Variants in TNR observed in about 807,000 individuals in gnomAD.
TNR encodes the protein tenascin R.
In TNR, 45 loss-of-function variants were observed where a neutral mutation model predicts 150.4. The ratio of observed to expected loss-of-function variants is 0.30; its 90% CI spans 0.24 to 0.38. The LOEUF (loss-of-function observed/expected upper bound fraction) is 0.38, where lower values mean the gene tolerates loss of function less well. Ranked by LOEUF, TNR falls within the 10% of genes least tolerant of loss-of-function variation. The pLI, the probability that TNR is intolerant of heterozygous loss-of-function variation, is 1.00. For missense variants in TNR, 1,544 were observed against 1,759.1 expected (o/e 0.88, Z 2.19); for synonymous variants, 687 against 678.4 (o/e 1.01, Z -0.20).
At chr1:175,467,929 G>A (rs551139144) in intron 2 of TNR, among the ~76,000 whole-genome samples, 40 of 152,344 alleles carry the variant, frequency 2.6e-4, no homozygotes, top group African/African-American at 9.4e-4. Context: ...ATGGAGAGAT[G>A]CTTGCCTTTA....
At chr1:175,590,368 A>C (rs1347011235) in intron 1 of TNR, among the ~76,000 whole-genome samples, 1 of 152,130 alleles carries the variant, frequency 6.6e-6, no homozygotes, top group Non-Finnish European at 1.5e-5. Context: ...TATTGCATTA[A>C]ATATTATTTA....
At chr1:175,735,952 G>A (rs1667757867) in intron 1 of TNR, among the ~76,000 whole-genome samples, 1 of 152,188 alleles carries the variant, frequency 6.6e-6, no homozygotes, top group African/African-American at 2.4e-5. Context: ...TACTAAAAGA[G>A]TAGGAGAAAA....
chr1:175,733,415 G>A (rs1177771292), intron 1 of TNR, among the ~76,000 whole-genome samples: 1 of 152,190 alleles, frequency 6.6e-6, no homozygotes, highest in African/African-American at 2.4e-5. Context: ...CTGCTTGGGA[G>A]GGCTCTGTTG....
chr1:175,737,566 A>G (rs1157215530), intron 1 of TNR, among the ~76,000 whole-genome samples: 1 of 152,190 alleles, frequency 6.6e-6, no homozygotes, highest in East Asian at 1.9e-4. Context: ...AGCTTTTGTC[A>G]GATGTTAGCC....
At chr1:175,724,052 C>A (rs1667412686) in intron 1 of TNR, among the ~76,000 whole-genome samples, 1 of 152,018 alleles carries the variant, frequency 6.6e-6, no homozygotes, top group African/African-American at 2.4e-5. Flanking sequence ...AAATTCTAAA[C>A]CCTCCAAAAG....
rs1191750675 is a variant in TNR, at chr1:175,321,044, C to G, written c.*2313G>C. 6.6e-6 allele frequency: 1 copy of G among 152,196 alleles called. No homozygotes were observed. Among genetic ancestry groups the G allele is most frequent in the East Asian group, 1.9e-4 (1 of 5,198 alleles). The allele number at this position is 152,196 out of a possible 1,614,324, so 9.4% of individuals were successfully genotyped here. A position where few individuals can be genotyped will look rare whatever the true frequency, so the allele number is the denominator to read the frequency against. ...CGATGTCATGTCGTAGCTAAGATGA[C>G]AGCTGTTGGCCTGTACCTCGGCCCT... is the stretch of plus-strand genomic sequence containing the variant. On this transcript the variant is annotated 3_prime_UTR_variant, in exon 23 of 23. Coordinates refer to ENST00000367674, the MANE Select transcript of TNR (RefSeq NM_003285.3).
rs369374870 is a variant in TNR at position 175,640,456 on chromosome 1, T to C, written c.-165+102770A>G. ...CTCTAGCACCAATGCCAGCCAGAAA[T>C]TTTTGGCAGACATTTGATTTAAAGC... is the stretch of plus-strand genomic sequence containing the variant. On this transcript the variant is annotated intron_variant, in intron 1 of 22. Transcript: ENST00000367674. Among the ~76,000 whole-genome samples, 15 of 152,302 alleles carry C rather than the reference T, an allele frequency of 9.8e-5. No homozygotes were observed. The East Asian group carries it at 2.9e-3, about 29-fold the overall frequency.
chr1:175,498,072 GCAACAA>G (rs112090574), intron 2 of TNR, among the ~76,000 whole-genome samples: 15 of 151,870 alleles, frequency 9.9e-5, no homozygotes, highest in South Asian at 4.2e-4. Context: ...AACAACAACA[GCAACAA>G]CAACAACAAC....
At chr1:175,632,829 C>T (rs1664372971) in intron 1 of TNR, among the ~76,000 whole-genome samples, 1 of 152,192 alleles carries the variant, frequency 6.6e-6, no homozygotes, top group South Asian at 2.1e-4. Flanking sequence ...AAACCCAGAG[C>T]ATCTGGTATC....
At chr1:175,367,081 G>T in intron 10 of TNR, 127 bp downstream of exon 10, 1 of 754,744 alleles carries the variant, frequency 1.3e-6, no homozygotes. Context: ...TAGGCTGACA[G>T]TTGTCACCAG....
At chr1:175,731,847 C>G (rs1306020633) in intron 1 of TNR, among the ~76,000 whole-genome samples, 3 of 152,234 alleles carry the variant, frequency 2.0e-5, no homozygotes. Flanking sequence ...TCTAACCCAG[C>G]CTGCACTGGG....
chr1:175,607,632 G>A (rs969616047), intron 1 of TNR, among the ~76,000 whole-genome samples: 18 of 152,148 alleles, frequency 1.2e-4, no homozygotes, highest in African/African-American at 4.8e-5. Flanking sequence ...AACACAATAC[G>A]TTACAGTGGT....
chr1:175,516,121 T>C (rs1659395628), intron 2 of TNR, among the ~76,000 whole-genome samples: 1 of 152,236 alleles, frequency 6.6e-6, no homozygotes, highest in Non-Finnish European at 1.5e-5. Context: ...AAATTTCTTA[T>C]TCAGAATTCA....
chr1:175,615,861 T>A (rs1663757271), intron 1 of TNR, among the ~76,000 whole-genome samples: 1 of 152,236 alleles, frequency 6.6e-6, no homozygotes, highest in Admixed American at 6.5e-5. Flanking sequence ...ATTTAGGTTT[T>A]ACTTTGCATA....
In TNR at chr1:175,464,067, C is replaced by T. The variant is rs114454752; in HGVS notation, c.-63-57290G>A. Among the ~76,000 whole-genome samples, 579 of 152,278 alleles carry T rather than the reference C, an allele frequency of 3.8e-3. 3 individuals are homozygous for T. Among genetic ancestry groups the T allele is most frequent in the African/African-American group, 0.012 (519 of 41,536 alleles). On this transcript the variant is annotated intron_variant, in intron 2 of 22. Coordinates refer to ENST00000367674, the MANE Select transcript of TNR (RefSeq NM_003285.3). ...GCTTGTTAATACTGAAGAGTTGATC[C>T]CTTGATCCTCACATGACTAATCACT...
intron 2 of TNR, among the ~76,000 whole-genome samples, chr1:175,407,492 C>T (rs1328740100): frequency 6.6e-6 from 1 of 152,128 alleles, no homozygotes; most frequent in African/African-American, 2.4e-5. Context: ...GTTACCTAGT[C>T]ACCAAGAACC....
At chr1:175,499,869 A>C (rs2102148110) in intron 2 of TNR, among the ~76,000 whole-genome samples, 1 of 152,276 alleles carries the variant, frequency 6.6e-6, no homozygotes, top group Admixed American at 6.5e-5. Context: ...TCTACTACGT[A>C]ACTACTGTTG....
Position 175,418,737 on chromosome 1 carries a change from G to A in TNR, c.-63-11960C>T, listed in dbSNP as rs551630122. Among the ~76,000 whole-genome samples, 29 of 151,758 alleles carry A rather than the reference G, an allele frequency of 1.9e-4. No homozygotes were observed. The South Asian group carries it at 5.8e-3, about 31-fold the overall frequency. On this transcript the variant is annotated intron_variant, in intron 2 of 22. Transcript: ENST00000367674. The stretch of plus-strand genomic sequence containing the variant: ...GAGAGAGAGAGAAAAAAAAAAAAAG[G>A]CAGTTGAAGCAGAGTAGAGAATGAG...
chr1:175,684,925 G>A lies in TNR; in HGVS notation c.-165+58301C>T, dbSNP rs1666144179. Among the ~76,000 whole-genome samples, 4 of 152,188 alleles carry A rather than the reference G, an allele frequency of 2.6e-5. No individual in the cohort carries two copies. The South Asian group carries it at 8.3e-4, about 32-fold the overall frequency. ...CAACCCCACACACTCCTCTTCCTCA[G>A]AACTTTGGGAAACCCCAAATCAGTT... On this transcript the variant is annotated intron_variant, in intron 1 of 22. Coordinates refer to ENST00000367674, the MANE Select transcript of TNR (RefSeq NM_003285.3).
Sources: allele counts gnomAD v4.1 joint callset (sites outside exome capture counted in the v4.1 genomes callset), GRCh38; gene constraint gnomAD v4.1.1; transcripts MANE v1.5; gene names NCBI Gene and HGNC (gene_info 2026-07-23, HGNC 2026-07-21).